Variants in TSPEAR observed in about 807,000 individuals in gnomAD.
TSPEAR encodes thrombospondin-type laminin G domain and EAR repeat-containing protein.
In TSPEAR, 69 loss-of-function variants were observed where a neutral mutation model predicts 71.6. The observed-to-expected ratio is 0.96, with a 90% CI of 0.79 to 1.18. The LOEUF (loss-of-function observed/expected upper bound fraction) is 1.18. Ranked by LOEUF, TSPEAR falls within the 50% of genes most tolerant of loss-of-function variation. The pLI is 0.00. For missense variants in TSPEAR, 971 were observed against 894.9 expected (o/e 1.09, Z -1.09); for synonymous variants, 402 against 387.2 (o/e 1.04, Z -0.45).
In TSPEAR at chr21:44,612,821, C is replaced by T; in HGVS notation, c.83-44816G>A. ...CTCCTCCTGCCAGCCCAGCTGCTGC[C>T]ACCCGGCCTCCTGCCTGTCCTTCCT... is the stretch of plus-strand genomic sequence containing the variant. On this transcript the variant is annotated intron_variant, in intron 1 of 11. Coordinates refer to ENST00000323084, the MANE Select transcript of TSPEAR (RefSeq NM_144991.3). This position sits in a 1 kb window ranked among gnomAD's most constrained non-coding sequence, Gnocchi z 4.1. The T allele has an allele frequency of 4.3e-6, 7 of 1,612,868 alleles. No individual in the cohort carries two copies. Among genetic ancestry groups the T allele is most frequent in the Non-Finnish European group, 5.9e-6 (7 of 1,179,792 alleles).
chr21:44,635,232 G>C (rs1983476174), intron 1 of TSPEAR, among the ~76,000 whole-genome samples: 1 of 151,160 alleles, frequency 6.6e-6, no homozygotes, highest in Admixed American at 6.6e-5. Flanking sequence ...TGTAATCCCA[G>C]CTACTTGGGA....
intron 1 of TSPEAR, among the ~76,000 whole-genome samples, chr21:44,641,768 G>T (rs1984032494): frequency 6.6e-6 from 1 of 152,216 alleles, no homozygotes; most frequent in African/African-American, 2.4e-5. Context: ...ATGCAAATAT[G>T]AGATGCATTG....
At chr21:44,636,721 A>G (rs1306464518) in intron 1 of TSPEAR, among the ~76,000 whole-genome samples, 10 of 151,420 alleles carry the variant, frequency 6.6e-5, no homozygotes, top group Non-Finnish European at 1.5e-4. Flanking sequence ...CCTGACCTGC[A>G]CCCGCCCCTC....
intron 2 of TSPEAR, among the ~76,000 whole-genome samples, chr21:44,562,263 A>G (rs587670218): frequency 6.6e-6 from 1 of 152,290 alleles, no homozygotes; most frequent in Admixed American, 6.5e-5. Context: ...ACCTAGGAAC[A>G]CAGCTAATAA....
intron 1 of TSPEAR, chr21:44,682,304 G>GT (rs1555948203): frequency 9.6e-6 from 7 of 725,744 alleles, no homozygotes; most frequent in Middle Eastern, 4.0e-4. Flanking sequence ...CGTAGATGAT[G>GT]TTTTTTATCT....
At chr21:44,548,715 C>T (rs1384664343) in intron 2 of TSPEAR, among the ~76,000 whole-genome samples, 2 of 152,164 alleles carry the variant, frequency 1.3e-5, no homozygotes, top group Non-Finnish European at 2.9e-5. Context: ...CGTGGAGGGA[C>T]AGGCCCTCAC....
At chr21:44,531,009 A>G in intron 4 of TSPEAR, 34 bp downstream of exon 4, 1 of 1,555,940 alleles carries the variant, frequency 6.4e-7, no homozygotes, top group Non-Finnish European at 8.9e-7. Flanking sequence ...ATCCCGCAGC[A>G]CGGGTGTTGG....
At position 44,536,959 on chromosome 21, in the gene TSPEAR, G is replaced by A. The variant is rs1212118015; in HGVS notation, c.304-3036C>T. Among the ~76,000 whole-genome samples the A allele has an allele frequency of 2.6e-5, 4 of 152,226 alleles. No homozygotes were observed. In the East Asian group the frequency reaches 7.7e-4, roughly 29 times the overall value. On this transcript the variant is annotated intron_variant, in intron 2 of 11. Coordinates refer to ENST00000323084, the MANE Select transcript of TSPEAR (RefSeq NM_144991.3). ...AGAAAACTGTTCCCCATTCACACTA[G>A]TAAAACATCCCTATGAAATACCTCG...
At chr21:44,656,721 T>A (rs13052715) in intron 1 of TSPEAR, among the ~76,000 whole-genome samples, 74,293 of 151,970 alleles carry the variant, frequency 0.49, 18,189 homozygotes, top group South Asian at 0.56. Flanking sequence ...TAAATCATAT[T>A]TGGTGCCTTG....
intron 1 of TSPEAR, chr21:44,690,433 A>G (rs1987078604): frequency 2.0e-6 from 1 of 510,320 alleles, no homozygotes. Flanking sequence ...AGTGGTTCCC[A>G]TGGGCTTCCA....
chr21:44,640,027 C>T (rs782746768), intron 1 of TSPEAR, among the ~76,000 whole-genome samples: 4 of 152,326 alleles, frequency 2.6e-5, no homozygotes, highest in Admixed American at 2.6e-4. Flanking sequence ...CCTGTCAGTC[C>T]AGTTCTAGGC....
intron 1 of TSPEAR, among the ~76,000 whole-genome samples, chr21:44,669,787 C>G (rs986890552): frequency 6.6e-6 from 1 of 152,184 alleles, no homozygotes; most frequent in African/African-American, 2.4e-5. Context: ...GCAGTCCCAC[C>G]CCCAGAGGTC....
chr21:44,576,857 T>C (rs1978491614), intron 1 of TSPEAR, among the ~76,000 whole-genome samples: 1 of 152,168 alleles, frequency 6.6e-6, no homozygotes, highest in Admixed American at 6.5e-5. Flanking sequence ...AAAGTGCACG[T>C]GGAACATCCA....
chr21:44,688,536 C>A lies in TSPEAR; in HGVS notation c.82+22897G>T, dbSNP rs567181359. ...GAGATGGAGACCATCCTGGCTAACA[C>A]GGTGAAACCCTGTCTCTACTAAAAT... On this transcript the variant is annotated intron_variant, in intron 1 of 11. Transcript: ENST00000323084. 2.8e-4 allele frequency among the ~76,000 whole-genome samples: 43 copies of A among 152,166 alleles called. No homozygotes were observed. The South Asian group carries it at 7.7e-3, about 27-fold the overall frequency.
At chr21:44,500,845 CGT>C (rs2052016710) in intron 11 of TSPEAR, among the ~76,000 whole-genome samples, 2 of 152,142 alleles carry the variant, frequency 1.3e-5, no homozygotes, top group South Asian at 4.1e-4. Context: ...GGTTTTCTGT[CGT>C]GTGTGTGGTA....
At chr21:44,627,850 CCCT>C in intron 1 of TSPEAR, 1 of 1,613,868 alleles carries the variant, frequency 6.2e-7, no homozygotes, top group Non-Finnish European at 8.5e-7. Flanking sequence ...CTGCTGCAGA[CCCT>C]CCTCCTCTGT....
At chr21:44,682,818 G>A (rs1299629081) in intron 1 of TSPEAR, among the ~76,000 whole-genome samples, 3 of 152,198 alleles carry the variant, frequency 2.0e-5, no homozygotes, top group Non-Finnish European at 4.4e-5. Flanking sequence ...CAACTCTGCC[G>A]AGGAGGAAGG....
intron 1 of TSPEAR, among the ~76,000 whole-genome samples, chr21:44,637,128 C>A (rs1555936846): frequency 6.6e-6 from 1 of 152,186 alleles, no homozygotes; most frequent in Non-Finnish European, 1.5e-5. Context: ...CACCTTCCCT[C>A]CTGGTGTTCC....
At chr21:44,670,210 T>A (rs1339960671) in intron 1 of TSPEAR, among the ~76,000 whole-genome samples, 1 of 152,192 alleles carries the variant, frequency 6.6e-6, no homozygotes, top group Non-Finnish European at 1.5e-5. Flanking sequence ...AAATTATTGA[T>A]GATGTTCTAG....
Sources: gnomAD v4.1 joint callset for allele counts (sites outside exome capture counted in the v4.1 genomes callset) on GRCh38, gnomAD v4.1.1 for gene constraint, Gnocchi (gnomAD v3.1) non-coding constraint, MANE v1.5 for transcripts, NCBI Gene and HGNC (gene_info 2026-07-23, HGNC 2026-07-21) for gene names.